The following ACKR2 variants were observed in gnomAD, a reference collection of about 807,000 sequenced individuals.
ACKR2 encodes atypical chemokine receptor 2, also known as C-C chemokine receptor D6.
For synonymous variants in ACKR2, 207 were observed against 192.2 expected (o/e 1.08, Z -0.64); for missense variants, 457 against 477.3 (o/e 0.96, Z 0.40).
At chr3:42,855,161 A>G (rs942720501) in intron 2 of ACKR2, among the ~76,000 whole-genome samples, 1 of 152,128 alleles carries the variant, frequency 6.6e-6, no homozygotes, top group Non-Finnish European at 1.5e-5. Flanking sequence ...CCAGCCTTCA[A>G]TCACACCTTT....
At chr3:42,819,820 C>T (rs1700791888) in intron 2 of ACKR2, 109 bp downstream of exon 2, 1 of 152,316 alleles carries the variant, frequency 6.6e-6, no homozygotes, top group Non-Finnish European at 1.5e-5. Flanking sequence ...TGCTCACCCA[C>T]CATTTACACA....
At chr3:42,817,967 G>T (rs1383541834) in intron 1 of ACKR2, among the ~76,000 whole-genome samples, 1 of 152,082 alleles carries the variant, frequency 6.6e-6, no homozygotes, top group Admixed American at 6.6e-5. Flanking sequence ...TGTGCTCTAG[G>T]GTTCTGTGCT....
At chr3:42,833,337 A>G (rs1700951157) in intron 2 of ACKR2, among the ~76,000 whole-genome samples, 1 of 152,142 alleles carries the variant, frequency 6.6e-6, no homozygotes, top group African/African-American at 2.4e-5. Flanking sequence ...CATAACAATG[A>G]GATATTTTGT....
chr3:42,861,767 A>G (rs140945971), intron 2 of ACKR2, among the ~76,000 whole-genome samples: 80 of 152,322 alleles, frequency 5.3e-4, no homozygotes, highest in Admixed American at 2.9e-3. Context: ...CAAAAACCAC[A>G]TTATTTTCTC....
chr3:42,865,878 T>C lies in ACKR2; in HGVS notation c.*221T>C, dbSNP rs539384892. Reference sequence around the variant, plus strand: ...TTCTTTTCTGAATTGCTACAATCTTTCTTCCTTCCTTCCTTGCTTCCTTCC... The same window carrying C: ...TTCTTTTCTGAATTGCTACAATCTTCCTTCCTTCCTTCCTTGCTTCCTTCC... On this transcript the variant is annotated 3_prime_UTR_variant, in exon 3 of 3. Coordinates refer to ENST00000422265, the MANE Select transcript of ACKR2 (RefSeq NM_001296.5). 41 of 515,114 alleles carry C rather than the reference T, an allele frequency of 8.0e-5. No individual in the cohort carries two copies. In the South Asian group the frequency reaches 1.1e-3, roughly 14 times the overall value. The allele number at this position is 515,114 out of a possible 1,614,324, so 31.9% of individuals were successfully genotyped here. A position where few individuals can be genotyped will look rare whatever the true frequency, so the allele number is the denominator to read the frequency against.
At chr3:42,840,574 G>A (rs1701026923) in intron 2 of ACKR2, among the ~76,000 whole-genome samples, 1 of 152,214 alleles carries the variant, frequency 6.6e-6, no homozygotes, top group South Asian at 2.1e-4. Flanking sequence ...ACTGAGGCCT[G>A]GGTAACTTGA....
intron 2 of ACKR2, among the ~76,000 whole-genome samples, chr3:42,842,960 G>A (rs1701054347): frequency 6.9e-6 from 1 of 145,200 alleles, no homozygotes; most frequent in Non-Finnish European, 1.5e-5. Flanking sequence ...CCTCCAGCCT[G>A]GGTGACAGAG....
At chr3:42,863,844 C>A (rs981976648) in intron 2 of ACKR2, among the ~76,000 whole-genome samples, 2 of 152,100 alleles carry the variant, frequency 1.3e-5, no homozygotes, top group African/African-American at 4.8e-5. Flanking sequence ...GAACATCACA[C>A]ATCTGGGCCT....
At chr3:42,840,452 C>T (rs573139451) in intron 2 of ACKR2, among the ~76,000 whole-genome samples, 3 of 152,100 alleles carry the variant, frequency 2.0e-5, no homozygotes, top group East Asian at 1.9e-4. Context: ...ACTATCCCCA[C>T]GCATTGTTTG....
In ACKR2 at chr3:42,817,043, G is replaced by A. The variant is rs868086400; in HGVS notation, c.-118-2588G>A. 9.9e-5 allele frequency among the ~76,000 whole-genome samples: 15 copies of A among 152,092 alleles called. No individual in the cohort carries two copies. In the South Asian group the frequency reaches 1.0e-3, roughly 11 times the overall value. On this transcript the variant is annotated intron_variant, in intron 1 of 2. Coordinates refer to ENST00000422265, the MANE Select transcript of ACKR2 (RefSeq NM_001296.5). ...TTATGGACATTATGACCTTGAACAC[G>A]TTATTTAGCCTCACATTTTTCATCA...
intron 2 of ACKR2, among the ~76,000 whole-genome samples, chr3:42,837,082 A>G (rs1700993169): frequency 6.6e-6 from 1 of 152,198 alleles, no homozygotes; most frequent in African/African-American, 2.4e-5. Context: ...AGGATGCTGG[A>G]AACATGGCTC....
intron 2 of ACKR2, among the ~76,000 whole-genome samples, chr3:42,846,000 G>T (rs772023110): frequency 1.3e-5 from 2 of 152,262 alleles, no homozygotes; most frequent in East Asian, 1.9e-4. Context: ...GGCTGAGGGT[G>T]GGGGTGGAGG....
chr3:42,847,273 G>T (rs750938505), intron 2 of ACKR2, among the ~76,000 whole-genome samples: 1 of 152,340 alleles, frequency 6.6e-6, no homozygotes, highest in African/African-American at 2.4e-5. Context: ...GGTGCCTTGG[G>T]CAGATGTACA....
Position 42,845,843 on chromosome 3 carries a change from C to T in ACKR2, c.-37-18623C>T, listed in dbSNP as rs1171383303. ...CAGCCTGGGCGACAGAGCAAGACTC[C>T]GTCTCAAAAAAAAAAAAAAAAAGAA... On this transcript the variant is annotated intron_variant, in intron 2 of 2. Transcript: ENST00000422265. 1.2e-4 allele frequency among the ~76,000 whole-genome samples: 16 copies of T among 130,718 alleles called. No individual in the cohort carries two copies. The East Asian group carries it at 1.3e-3, about 11-fold the overall frequency. 85.8% of individuals were successfully genotyped at this position (130,718 alleles called of 152,430 possible). A position where few individuals can be genotyped will look rare whatever the true frequency, so the allele number is the denominator to read the frequency against.
chr3:42,812,620 A>C (rs2125600996), intron 1 of ACKR2, among the ~76,000 whole-genome samples: 1 of 144,084 alleles, frequency 6.9e-6, no homozygotes. Flanking sequence ...CAGACCTCTT[A>C]GTATTCCATG....
At chr3:42,859,439 C>T (rs189127935) in intron 2 of ACKR2, among the ~76,000 whole-genome samples, 3,558 of 150,824 alleles carry the variant, frequency 0.024, 136 homozygotes, top group African/African-American at 0.081. Context: ...AGTGCAGTGG[C>T]GCGGTCTTGG....
chr3:42,826,780 T>C (rs182946020), intron 2 of ACKR2, among the ~76,000 whole-genome samples: 2 of 152,320 alleles, frequency 1.3e-5, no homozygotes, highest in Admixed American at 1.3e-4. Context: ...GCTTTCAGTT[T>C]AGTTTGCCCT....
rs563177290 is a variant in ACKR2 at position 42,859,284 on chromosome 3, A to G, written c.-37-5182A>G. Reference sequence around the variant, plus strand: ...TTAAGGGCAGCCAGAGAGAAAGGTCAGGTTACCTACAGAGGGAAGCCCATC... The same window carrying G: ...TTAAGGGCAGCCAGAGAGAAAGGTCGGGTTACCTACAGAGGGAAGCCCATC... On this transcript the variant is annotated intron_variant, in intron 2 of 2. Coordinates refer to ENST00000422265, the MANE Select transcript of ACKR2 (RefSeq NM_001296.5). Among the ~76,000 whole-genome samples, 3 of 152,348 alleles carry G rather than the reference A, an allele frequency of 2.0e-5. No individual in the cohort carries two copies. In the South Asian group the frequency reaches 6.2e-4, roughly 32 times the overall value.
intron 2 of ACKR2, among the ~76,000 whole-genome samples, chr3:42,847,251 C>T (rs540472434): frequency 1.3e-5 from 2 of 152,242 alleles, no homozygotes; most frequent in East Asian, 1.9e-4. Flanking sequence ...ATACATAACC[C>T]CTTAGCTGAA....
Sources: gnomAD v4.1 joint callset for allele counts (sites outside exome capture counted in the v4.1 genomes callset) on GRCh38, gnomAD v4.1.1 for gene constraint, MANE v1.5 for transcripts, NCBI Gene and HGNC (gene_info 2026-07-23, HGNC 2026-07-21) for gene names.